The following TPCN1 variants were observed in gnomAD, a reference collection of about 807,000 sequenced individuals.
The protein encoded by TPCN1 is two pore channel protein 1.
A neutral mutation model predicts 108.8 loss-of-function variants in TPCN1; 52 were observed. The ratio of observed to expected loss-of-function variants is 0.48; its 90% CI spans 0.38 to 0.60. The LOEUF is 0.60. TPCN1 is among the 20% of genes least tolerant of loss of function. TPCN1 has a pLI of 0.00. For synonymous variants in TPCN1, 446 were observed against 433.7 expected, an observed-to-expected ratio of 1.03 and a Z score of -0.35; for missense variants, 806 against 1,072.8, an observed-to-expected ratio of 0.75 and a Z score of 3.47.
At chr12:113,287,120 CAG>C (rs757667113) in intron 19 of TPCN1, 26 bp downstream of exon 19, 353 of 1,580,150 alleles carry the variant, frequency 2.2e-4, no homozygotes, top group Admixed American at 3.3e-4. Context: ...GAGCCGGAGA[CAG>C]GGAGAAAGAG....
Position 113,221,595 on chromosome 12 carries a change from G to A in TPCN1, c.-157G>A, listed in dbSNP as rs1021703987. The A allele has an allele frequency of 1.1e-5, 2 of 186,870 alleles. No homozygotes were observed. Among genetic ancestry groups the A allele is most frequent in the South Asian group, 9.0e-5 (1 of 11,056 alleles). 11.6% of individuals were successfully genotyped at this position (186,870 alleles called of 1,614,324 possible). ...GGCTAGGCTGCGCGGTGCGGACCCC[G>A]GCGCGCGGTCCGGGTTGCTGGGGCG... On this transcript the variant is annotated 5_prime_UTR_variant, in exon 1 of 28. Coordinates refer to ENST00000335509, the MANE Select transcript of TPCN1 (RefSeq NM_017901.6).
intron 2 of TPCN1, among the ~76,000 whole-genome samples, chr12:113,247,975 A>C (rs1192457916): frequency 6.6e-6 from 1 of 152,134 alleles, no homozygotes; most frequent in East Asian, 1.9e-4. Flanking sequence ...CTGTTCTTTC[A>C]CCTTAGCTCT....
rs1192142611 is a variant in TPCN1 at position 113,288,322 on chromosome 12, A to G, written c.1706+88A>G. The G allele has an allele frequency of 6.3e-7, 1 of 1,584,880 alleles. No individual in the cohort carries two copies. Among genetic ancestry groups the G allele is most frequent in the Non-Finnish European group, 8.6e-7 (1 of 1,168,394 alleles). ...CGGGAGCCGAGTGGCAGTCGGGGGA[A>G]AGGAGTTCCACAAAGGACTGCAATC... On this transcript the variant is annotated intron_variant, in intron 20 of 27. Transcript: ENST00000335509. The surrounding 1 kb of genome is among the most constrained non-coding windows in gnomAD (Gnocchi z 4.8).
At chr12:113,264,277 G>A (rs1032845000) in intron 3 of TPCN1, among the ~76,000 whole-genome samples, 8 of 152,190 alleles carry the variant, frequency 5.3e-5, no homozygotes, top group South Asian at 2.1e-4. Context: ...TGGGTCTGTG[G>A]TTTGTCTCGA....
At position 113,296,883 on chromosome 12, in the gene TPCN1, C is replaced by G. The variant is rs1181902076; in HGVS notation, c.*807C>G. 1 of 152,280 alleles carries G rather than the reference C, an allele frequency of 6.6e-6. No homozygotes were observed. The highest frequency in any genetic ancestry group is 1.5e-5 in the Non-Finnish European group (1 of 68,064). The allele number at this position is 152,280 out of a possible 1,614,324, so 9.4% of individuals were successfully genotyped here. On this transcript the variant is annotated 3_prime_UTR_variant, in exon 28 of 28. Transcript: ENST00000335509. ...CCCAGACCACTTCGTGGAATGGGCT[C>G]TTGACCAAATCCCTTTTTTTGCGAT...
rs561915795 is a variant in TPCN1 at position 113,281,865 on chromosome 12, T to C, written c.1342+1670T>C. 5.3e-5 allele frequency among the ~76,000 whole-genome samples: 8 copies of C among 151,930 alleles called. No homozygotes were observed. In the East Asian group the frequency reaches 1.4e-3, roughly 26 times the overall value. ...TGTGTTTTAAGGTCATGTGGGATAG[T>C]TCCTCTCCATGTGGACATGTCACCA... On this transcript the variant is annotated intron_variant, in intron 15 of 27. Transcript: ENST00000335509.
At chr12:113,261,969 C>T (rs1166667618) in intron 3 of TPCN1, among the ~76,000 whole-genome samples, 1 of 152,096 alleles carries the variant, frequency 6.6e-6, no homozygotes, top group Non-Finnish European at 1.5e-5. Flanking sequence ...GCATGGAATC[C>T]TCTGCACAGG....
Position 113,276,805 on chromosome 12 carries a change from T to C in TPCN1, c.943-114T>C. 6.7e-6 allele frequency: 5 copies of C among 746,538 alleles called. No individual in the cohort carries two copies. The South Asian group carries it at 7.6e-5, about 11-fold the overall frequency. 46.2% of individuals were successfully genotyped at this position (746,538 alleles called of 1,614,324 possible). ...CAGGCGAGAGGGTCTCCCCAGGGCC[T>C]CTCTGGGGTGACTGGGTAAGAGCCT... On this transcript the variant is annotated intron_variant, in intron 10 of 27. Transcript: ENST00000335509.
intron 2 of TPCN1, among the ~76,000 whole-genome samples, chr12:113,248,058 C>T (rs566959103): frequency 3.9e-5 from 6 of 152,324 alleles, no homozygotes; most frequent in African/African-American, 7.2e-5. Context: ...GCCCCTCTTC[C>T]GCAGATCCTT....
chr12:113,223,593 G>C (rs571355541), intron 1 of TPCN1, among the ~76,000 whole-genome samples: 9 of 152,208 alleles, frequency 5.9e-5, no homozygotes, highest in African/African-American at 2.2e-4. Context: ...GCCCAGGCTG[G>C]AGTGTAGTGG....
At chr12:113,249,411 G>A (rs1427403880) in intron 2 of TPCN1, 2 of 152,258 alleles carry the variant, frequency 1.3e-5, no homozygotes, top group Non-Finnish European at 2.9e-5. Context: ...GGAAAGCTCT[G>A]GATGGGGAGC....
chr12:113,241,791 T>TGTGTGC (rs1237858120), intron 2 of TPCN1, among the ~76,000 whole-genome samples: 7 of 151,392 alleles, frequency 4.6e-5, no homozygotes, highest in African/African-American at 1.7e-4. Context: ...TGTGTGTGTG[T>TGTGTGC]GTGCGTGTGT....
intron 18 of TPCN1, 124 bp from the exon 19 acceptor site, chr12:113,286,863 G>A (rs938308867): frequency 5.8e-6 from 4 of 694,994 alleles, no homozygotes; most frequent in African/African-American, 5.3e-5. Flanking sequence ...CAGCCGGCTG[G>A]TTCCTGTTGG....
intron 2 of TPCN1, among the ~76,000 whole-genome samples, chr12:113,233,378 G>A (rs1953765712): frequency 6.6e-6 from 1 of 152,258 alleles, no homozygotes; most frequent in Non-Finnish European, 1.5e-5. Context: ...CCATCGGGGA[G>A]GCAATATGGG....
chr12:113,221,507 G>GGCTTCGGCGGCTGCGGCGGCT lies in TPCN1; in HGVS notation c.-242_-222dup. ...TGGTGGCAGTGGCTGAAGTGGCGGC[G>GGCTTCGGCGGCTGCGGCGGCT]GCTTCGGCGGCTGCGGCGGCTGCAA... On this transcript the variant is annotated 5_prime_UTR_variant, in exon 1 of 28. Coordinates refer to ENST00000335509, the MANE Select transcript of TPCN1 (RefSeq NM_017901.6). The GGCTTCGGCGGCTGCGGCGGCT allele has an allele frequency of 3.4e-6, 1 of 291,674 alleles. No homozygotes were observed. The highest frequency in any genetic ancestry group is 2.8e-5 in the South Asian group (1 of 35,546). The allele number at this position is 291,674 out of a possible 1,614,324, so 18.1% of individuals were successfully genotyped here.
At chr12:113,293,506 C>CGG (rs1956335179) in intron 27 of TPCN1, among the ~76,000 whole-genome samples, 157 bp downstream of exon 27, 1 of 152,168 alleles carries the variant, frequency 6.6e-6, no homozygotes, top group African/African-American at 2.4e-5. Context: ...GGGACCTGAG[C>CGG]GGGGCTCACT....
chr12:113,291,808 C>T (rs1306906291), intron 24 of TPCN1, 66 bp from the exon 25 acceptor site: 9 of 1,565,784 alleles, frequency 5.7e-6, no homozygotes, highest in Non-Finnish European at 7.9e-6. Context: ...GCGTGGGCTG[C>T]GCAGCCACGG....
chr12:113,291,536 T>C (rs1182980127), intron 23 of TPCN1, 73 bp from the exon 24 acceptor site: 2 of 1,331,760 alleles, frequency 1.5e-6, no homozygotes, highest in Non-Finnish European at 1.1e-6. Context: ...GCCGGGGCCA[T>C]GGAGCAGCCT....
At chr12:113,248,732 T>C (rs935976825) in intron 2 of TPCN1, among the ~76,000 whole-genome samples, 1 of 152,186 alleles carries the variant, frequency 6.6e-6, no homozygotes, top group Non-Finnish European at 1.5e-5. Context: ...CAAGGGAGGC[T>C]GGGGCACGTT....
Sources: allele counts gnomAD v4.1 joint callset (sites outside exome capture counted in the v4.1 genomes callset), GRCh38; gene constraint gnomAD v4.1.1; non-coding constraint Gnocchi (gnomAD v3.1); transcripts MANE v1.5; gene names NCBI Gene and HGNC (gene_info 2026-07-23, HGNC 2026-07-21).